Variants in TBRG1 observed in about 807,000 individuals in gnomAD.
The protein encoded by TBRG1 is nuclear interactor of ARF and MDM2.
Under a neutral mutation model 44.0 loss-of-function variants are expected in TBRG1, and 31 were observed. The observed-to-expected ratio is 0.70, with a 90% CI of 0.53 to 0.95. The LOEUF is 0.95. Ranked by LOEUF, TBRG1 falls within the 40% of genes least tolerant of loss-of-function variation. The pLI, the probability that TBRG1 is intolerant of heterozygous loss-of-function variation, is 0.00. For synonymous variants in TBRG1, 171 were observed against 188.1 expected, an observed-to-expected ratio of 0.91 and a Z score of 0.74; for missense variants, 487 against 496.1, an observed-to-expected ratio of 0.98 and a Z score of 0.18.
At chr11:124,631,820 G>A in intron 8 of TBRG1, 1 of 452,150 alleles carries the variant, frequency 2.2e-6, no homozygotes, top group South Asian at 2.8e-5. Flanking sequence ...CAAGGGTTCA[G>A]GCTTTGGGGT....
rs1303026012 is a variant in TBRG1, at chr11:124,623,063, C to T, written c.-21C>T. ...ATCCGATGCCGGCAGCGTCCTGGGG[C>T]CCCCGTAGCGGGGCTGGACCATGAG... On this transcript the variant is annotated 5_prime_UTR_variant, in exon 1 of 9. Transcript: ENST00000441174. The T allele has an allele frequency of 7.9e-6, 12 of 1,525,940 alleles. No individual in the cohort carries two copies. Among genetic ancestry groups the T allele is most frequent in the Non-Finnish European group, 1.1e-5 (12 of 1,136,018 alleles). 94.5% of individuals were successfully genotyped at this position (1,525,940 alleles called of 1,614,324 possible).
At position 124,633,881 on chromosome 11, in the gene TBRG1, G is replaced by C. The variant is rs1019852433; in HGVS notation, c.*1643G>C. 6 of 152,126 alleles carry C rather than the reference G, an allele frequency of 3.9e-5. No individual in the cohort carries two copies. The highest frequency in any genetic ancestry group is 1.4e-4 in the African/African-American group (6 of 41,428). The allele number at this position is 152,126 out of a possible 1,614,324, so 9.4% of individuals were successfully genotyped here. ...CCTGAGTAATACCCGTATTAAAAGA[G>C]CCTCATTTTAGAAAGACATTTAAAA... On this transcript the variant is annotated 3_prime_UTR_variant, in exon 9 of 9. Transcript: ENST00000441174.
chr11:124,632,019 A>C (rs563993724), intron 8 of TBRG1, 74 bp from the exon 9 acceptor site: 2 of 1,311,190 alleles, frequency 1.5e-6, no homozygotes, highest in South Asian at 2.5e-5. Flanking sequence ...TTGAAAGGAC[A>C]TGTATATGTC....
Position 124,630,829 on chromosome 11 carries a change from C to G in TBRG1, c.921C>G (p.Ser307Arg). 1 of 1,602,410 alleles carries G rather than the reference C, an allele frequency of 6.2e-7. No homozygotes were observed. Among genetic ancestry groups the G allele is most frequent in the African/African-American group, 1.3e-5 (1 of 74,910 alleles). The change falls in exon 7 of 9, where the codon AGC becomes AGG. Residue 307 changes from serine to arginine, a missense_variant. Physicochemically the swap from Ser to Arg is moderately radical, Grantham distance 110. Transcript: ENST00000441174. The part of the protein sequence containing the change: ...SHPAIHNLIQ[S>R]CPGARKCINY... Reference sequence around the variant, plus strand: ...CAGCCATCCACAACCTGATCCAGAGCTGTCCAGGAGCTCGAAAATGCATCA... The same window carrying G: ...CAGCCATCCACAACCTGATCCAGAGGTGTCCAGGAGCTCGAAAATGCATCA...
Position 124,625,767 on chromosome 11 carries a change from T to C in TBRG1, c.318T>C (p.Tyr106=), listed in dbSNP as rs369332532. The C allele has an allele frequency of 7.5e-4, 1,180 of 1,572,488 alleles. 17 individuals are homozygous for C. The South Asian group carries it at 9.5e-3, about 13-fold the overall frequency. The change falls in exon 3 of 9, where the codon TAT becomes TAC. Residue 106 remains tyrosine (Y), a synonymous_variant. Transcript: ENST00000441174. ...PSHSSSLPLT[Y]GVASSVGTIQ... is the part of the protein sequence containing the mutation. ...ACAGTTCCAGTTTGCCCCTGACTTA[T>C]GGTGTGGCCAGCTCTGTGGGAACTA...
chr11:124,630,269 C>G (rs538684819), intron 5 of TBRG1, 119 bp from the exon 6 acceptor site: 1 of 757,266 alleles, frequency 1.3e-6, no homozygotes, highest in Non-Finnish European at 2.4e-6. Context: ...ATGTGTGTCC[C>G]TTCTGAAGAT....
chr11:124,632,372 T>C lies in TBRG1; in HGVS notation c.*134T>C. ...ACGTATTTCATCATGGAAGGTCCTG[T>C]GGTGATGGTTTTCCCTGGGAAAACC... is the stretch of plus-strand genomic sequence containing the variant. On this transcript the variant is annotated 3_prime_UTR_variant, in exon 9 of 9. Transcript: ENST00000441174. 3 of 638,372 alleles carry C rather than the reference T, an allele frequency of 4.7e-6. No homozygotes were observed. The highest frequency in any genetic ancestry group is 3.3e-5 in the Admixed American group (1 of 30,102). The allele number at this position is 638,372 out of a possible 1,614,324, so 39.5% of individuals were successfully genotyped here.
chr11:124,632,102 A>C lies in TBRG1; in HGVS notation c.1100A>C (p.Asp367Ala). 4.3e-6 allele frequency: 7 copies of C among 1,613,304 alleles called. No individual in the cohort carries two copies. Among genetic ancestry groups the C allele is most frequent in the Non-Finnish European group, 5.9e-6 (7 of 1,179,586 alleles). Residue 367 changes from aspartate (D) to alanine (A), a missense_variant, in exon 9 of 9, where the codon GAC becomes GCC. Coordinates refer to ENST00000441174, the MANE Select transcript of TBRG1 (RefSeq NM_032811.3). ...QNDPLLPGSL[D>A]LPELQPAAFV... ...GAATTGTTTTCTCCAGGATCCTTGG[A>C]CCTCCCAGAGCTTCAGCCTGCAGCC...
At chr11:124,630,616 C>A in intron 6 of TBRG1, 129 bp from the exon 7 acceptor site, 1 of 980,932 alleles carries the variant, frequency 1.0e-6, no homozygotes, top group Non-Finnish European at 1.6e-6. Flanking sequence ...TGACATTGTG[C>A]CAACTAGAGC....
chr11:124,630,496 C>G lies in TBRG1; in HGVS notation c.836+11C>G. 1 of 1,589,768 alleles carries G rather than the reference C, an allele frequency of 6.3e-7. No homozygotes were observed. Among genetic ancestry groups the G allele is most frequent in the Non-Finnish European group, 8.6e-7 (1 of 1,157,946 alleles). On this transcript the variant is annotated intron_variant, in intron 6 of 8. Coordinates refer to ENST00000441174, the MANE Select transcript of TBRG1 (RefSeq NM_032811.3). ...TATAAGCACTACTATGTAAGTTGAC[C>G]AAAAGCTTGAAAACAGGCTAAAAGA... is the stretch of plus-strand genomic sequence containing the variant.
intron 5 of TBRG1, 89 bp downstream of exon 5, chr11:124,627,139 G>C (rs1453868421): frequency 3.2e-5 from 30 of 944,730 alleles, no homozygotes; most frequent in Non-Finnish European, 4.4e-5. Context: ...TTACAAGGTA[G>C]ATATGTATAA....
At chr11:124,631,703 G>A (rs1942614102) in intron 8 of TBRG1, 2 of 487,276 alleles carry the variant, frequency 4.1e-6, no homozygotes, top group South Asian at 2.3e-5. Flanking sequence ...AGAACACCAG[G>A]GGAAAGTTTA....
intron 1 of TBRG1, chr11:124,623,525 G>A (rs953465891): frequency 1.3e-5 from 6 of 450,980 alleles, no homozygotes; most frequent in African/African-American, 1.2e-4. Flanking sequence ...GTTACTGCAG[G>A]ACTCTAGGAA....
chr11:124,631,362 T>C lies in TBRG1; in HGVS notation c.1035T>C (p.Phe345=). The change falls in exon 8 of 9, where the codon TTT becomes TTC. Residue 345 remains phenylalanine, a synonymous_variant. Transcript: ENST00000441174. The part of the protein sequence containing the change: ...GLPENDAAMS[F]EAFQRQIFDE... ...CGGAGAATGATGCAGCTATGAGCTT[T>C]GAAGCCTTTCAGAGACAGATCTTTG... is the stretch of plus-strand genomic sequence containing the variant. 2 of 1,613,998 alleles carry C rather than the reference T, an allele frequency of 1.2e-6. No homozygotes were observed. The highest frequency in any genetic ancestry group is 1.7e-6 in the Non-Finnish European group (2 of 1,179,870).
At position 124,632,507 on chromosome 11, in the gene TBRG1, C is replaced by T. The variant is rs1942638030; in HGVS notation, c.*269C>T. On this transcript the variant is annotated 3_prime_UTR_variant, in exon 9 of 9. Coordinates refer to ENST00000441174, the MANE Select transcript of TBRG1 (RefSeq NM_032811.3). ...TTAGCTCTGCCTGAGGTAAAGTAAA[C>T]TTCAGCCTCTTATAAACAAGAGTGA... The T allele has an allele frequency of 3.4e-6, 1 of 292,882 alleles. No individual in the cohort carries two copies. Among genetic ancestry groups the T allele is most frequent in the Non-Finnish European group, 6.4e-6 (1 of 155,042 alleles). 18.1% of individuals were successfully genotyped at this position (292,882 alleles called of 1,614,324 possible).
intron 8 of TBRG1, 148 bp from the exon 9 acceptor site, chr11:124,631,945 G>T: frequency 1.5e-6 from 1 of 654,776 alleles, no homozygotes; most frequent in South Asian, 1.9e-5. Flanking sequence ...CATTGTAAAA[G>T]TATCTGTCCT....
At chr11:124,624,244 G>T (rs528814606) in intron 1 of TBRG1, among the ~76,000 whole-genome samples, 11 of 151,572 alleles carry the variant, frequency 7.3e-5, no homozygotes, top group African/African-American at 2.4e-4. Flanking sequence ...TGAAGATTTT[G>T]TGAAGAAAAA....
In TBRG1 at chr11:124,635,685, A is replaced by AGTT. The variant is rs1555094399; in HGVS notation, c.*3448_*3450dup. On this transcript the variant is annotated 3_prime_UTR_variant, in exon 9 of 9. Coordinates refer to ENST00000441174, the MANE Select transcript of TBRG1 (RefSeq NM_032811.3). ...TACAGTGAGTGATGCTTTTTGCTTTAGTTCTCATTTTTCACATTAAGGGGA... is the reference window on the plus strand; with the variant it reads ...TACAGTGAGTGATGCTTTTTGCTTTAGTTGTTCTCATTTTTCACATTAAGGGGA... 1 of 152,134 alleles carries AGTT rather than the reference A, an allele frequency of 6.6e-6. No individual in the cohort carries two copies. The highest frequency in any genetic ancestry group is 1.5e-5 in the Non-Finnish European group (1 of 68,012). The allele number at this position is 152,134 out of a possible 1,614,324, so 9.4% of individuals were successfully genotyped here.
chr11:124,631,525 AG>A, intron 8 of TBRG1, 108 bp downstream of exon 8: 1 of 1,220,950 alleles, frequency 8.2e-7, no homozygotes, highest in Admixed American at 1.7e-5. Context: ...GAGTGATAAA[AG>A]CTTTCATTGA....
Sources: allele counts gnomAD v4.1 joint callset (sites outside exome capture counted in the v4.1 genomes callset), GRCh38; gene constraint gnomAD v4.1.1; transcripts MANE v1.5; gene names NCBI Gene and HGNC (gene_info 2026-07-23, HGNC 2026-07-21).